Variants in DSCAM observed in about 807,000 individuals in gnomAD.
DSCAM encodes the protein DS cell adhesion molecule.
DSCAM carries 47 observed loss-of-function variants against 217.7 expected under a neutral mutation model. The observed-to-expected ratio is 0.22, with a 90% CI of 0.17 to 0.28. DSCAM has a LOEUF of 0.28. Ranked by LOEUF, DSCAM falls within the 10% of genes least tolerant of loss-of-function variation. The probability of loss-of-function intolerance (pLI) is 1.00; values close to 1 mark genes in which losing one functional copy is unlikely to be tolerated. For missense variants in DSCAM, 2,080 were observed against 2,618.3 expected, an observed-to-expected ratio of 0.79 and a Z score of 4.49; for synonymous variants, 1,056 against 1,015.3, an observed-to-expected ratio of 1.04 and a Z score of -0.76.
rs544572773 is a variant in DSCAM at position 40,067,811 on chromosome 21, G to A, written c.4889-4912C>T. Among the ~76,000 whole-genome samples the A allele has an allele frequency of 4.1e-3, 574 of 141,586 alleles. 7 individuals are homozygous for A. Among genetic ancestry groups the A allele is most frequent in the African/African-American group, 0.014 (551 of 38,172 alleles). 92.9% of individuals were successfully genotyped at this position (141,586 alleles called of 152,430 possible). ...CTTCTTTTTATAATTCCTGGTCCAC[G>A]TTTTCTGATTCAAATAGCATTTCTC... On this transcript the variant is annotated intron_variant, in intron 27 of 32. Coordinates refer to ENST00000400454, the MANE Select transcript of DSCAM (RefSeq NM_001389.5).
At chr21:40,407,885 G>T (rs1278114954) in intron 3 of DSCAM, among the ~76,000 whole-genome samples, 1 of 152,154 alleles carries the variant, frequency 6.6e-6, no homozygotes, top group Non-Finnish European at 1.5e-5. Flanking sequence ...GATTTGTTAT[G>T]CATCTCTTAA....
intron 11 of DSCAM, among the ~76,000 whole-genome samples, chr21:40,266,303 C>A (rs1355217533): frequency 2.0e-5 from 3 of 152,014 alleles, no homozygotes; most frequent in Non-Finnish European, 4.4e-5. Flanking sequence ...CAATGAGATA[C>A]GACCTTCCCC....
chr21:40,768,583 G>A (rs1482338573), intron 1 of DSCAM, among the ~76,000 whole-genome samples: 1 of 152,198 alleles, frequency 6.6e-6, no homozygotes, highest in Non-Finnish European at 1.5e-5. Context: ...GCCAGCTTCA[G>A]TTTATTTTCA....
chr21:40,077,466 C>A (rs1203844574), intron 26 of DSCAM, among the ~76,000 whole-genome samples: 3 of 152,196 alleles, frequency 2.0e-5, no homozygotes, highest in African/African-American at 7.2e-5. Flanking sequence ...GTGGTCATTT[C>A]TGTGGGTCCT....
At chr21:40,835,326 A>G (rs2092047730) in intron 1 of DSCAM, among the ~76,000 whole-genome samples, 1 of 152,144 alleles carries the variant, frequency 6.6e-6, no homozygotes, top group African/African-American at 2.4e-5. Context: ...GGTTGTGAAA[A>G]CTCCAAATCA....
chr21:40,042,429 G>T lies in DSCAM; in HGVS notation c.5628C>A (p.Pro1876=). The change falls in exon 32 of 33, where the codon CCC becomes CCA. Residue 1876 remains proline (P), a synonymous_variant. Coordinates refer to ENST00000400454, the MANE Select transcript of DSCAM (RefSeq NM_001389.5). ...TTACTCTTCCTCCATCCTGAGGTTT[G>T]GGGGGAGATGCAGTGAACCTGCAGA... ...SGICRFTASP[P]KPQDGGRVMN... is the part of the protein sequence containing the mutation. 1 of 1,614,204 alleles carries T rather than the reference G, an allele frequency of 6.2e-7. No individual in the cohort carries two copies. The highest frequency in any genetic ancestry group is 1.1e-5 in the South Asian group (1 of 91,086).
chr21:40,529,916 G>A (rs953564477), intron 3 of DSCAM, among the ~76,000 whole-genome samples: 24 of 152,256 alleles, frequency 1.6e-4, no homozygotes, highest in African/African-American at 5.5e-4. Context: ...TATGGGAACA[G>A]GCTTGTCGTT....
At chr21:40,284,083 T>A (rs2073796888) in intron 10 of DSCAM, among the ~76,000 whole-genome samples, 2 of 152,154 alleles carry the variant, frequency 1.3e-5, no homozygotes. Flanking sequence ...CTGAGAATAG[T>A]TGGGGGATTG....
chr21:40,308,278 CT>C (rs2074101835), intron 9 of DSCAM, among the ~76,000 whole-genome samples: 1 of 152,084 alleles, frequency 6.6e-6, no homozygotes, highest in Non-Finnish European at 1.5e-5. Flanking sequence ...GAAGTTTTAT[CT>C]TGCCAAGAAT....
At chr21:40,238,152 A>T (rs2073103387) in intron 11 of DSCAM, among the ~76,000 whole-genome samples, 2 of 152,042 alleles carry the variant, frequency 1.3e-5, no homozygotes, top group Non-Finnish European at 2.9e-5. Context: ...AAACCATAAT[A>T]CTCCAAAGAA....
At chr21:40,439,870 A>G (rs559062316) in intron 3 of DSCAM, among the ~76,000 whole-genome samples, 2 of 152,226 alleles carry the variant, frequency 1.3e-5, no homozygotes, top group East Asian at 3.9e-4. Context: ...ACCTGCCCCC[A>G]TAATTAAATT....
intron 8 of DSCAM, among the ~76,000 whole-genome samples, chr21:40,333,712 G>A (rs2074400294): frequency 6.6e-6 from 1 of 152,196 alleles, no homozygotes; most frequent in African/African-American, 2.4e-5. Flanking sequence ...CTGAGTAAAG[G>A]CTAAGATTGC....
At chr21:40,272,704 C>T (rs59697962) in intron 11 of DSCAM, among the ~76,000 whole-genome samples, 2,183 of 152,208 alleles carry the variant, frequency 0.014, 51 homozygotes, top group African/African-American at 0.049. Flanking sequence ...TCCAGACTTG[C>T]TGCAGGAGCA....
chr21:40,751,346 C>T (rs927964122), intron 1 of DSCAM, among the ~76,000 whole-genome samples: 1 of 152,198 alleles, frequency 6.6e-6, no homozygotes, highest in African/African-American at 2.4e-5. Context: ...ATTGCTCTCC[C>T]ACACCCACTA....
intron 1 of DSCAM, among the ~76,000 whole-genome samples, chr21:40,734,322 C>T (rs2091041886): frequency 6.6e-6 from 1 of 152,194 alleles, no homozygotes; most frequent in African/African-American, 2.4e-5. Flanking sequence ...GGGCACGCTG[C>T]TTCCTCTTCC....
At chr21:40,076,394 G>C (rs2089366415) in intron 26 of DSCAM, among the ~76,000 whole-genome samples, 1 of 152,182 alleles carries the variant, frequency 6.6e-6, no homozygotes, top group African/African-American at 2.4e-5. Flanking sequence ...TGAAACCTGA[G>C]TGGTATGAAT....
At chr21:40,528,918 T>G (rs1363152329) in intron 3 of DSCAM, among the ~76,000 whole-genome samples, 1 of 145,112 alleles carries the variant, frequency 6.9e-6, no homozygotes, top group East Asian at 2.0e-4. Context: ...TTTTTTTTTT[T>G]TTTGAGATGG....
At position 40,792,287 on chromosome 21, in the gene DSCAM, C is replaced by T. The variant is rs1379875220; in HGVS notation, c.43+54332G>A. The stretch of plus-strand genomic sequence containing the variant: ...CTGAGTACGTGGGACTATAGGCATG[C>T]GCCACCACGCCTGGCTAATTTTTTG... On this transcript the variant is annotated intron_variant, in intron 1 of 32. Coordinates refer to ENST00000400454, the MANE Select transcript of DSCAM (RefSeq NM_001389.5). Among the ~76,000 whole-genome samples, 3 of 151,864 alleles carry T rather than the reference C, an allele frequency of 2.0e-5. No homozygotes were observed. The South Asian group carries it at 6.2e-4, about 32-fold the overall frequency.
At chr21:40,533,912 T>C (rs1452791780) in intron 3 of DSCAM, among the ~76,000 whole-genome samples, 4 of 152,232 alleles carry the variant, frequency 2.6e-5, no homozygotes, top group Non-Finnish European at 5.9e-5. Context: ...TGAAAGGAAA[T>C]CCATTTGATT....
Sources: gnomAD v4.1 joint callset for allele counts (sites outside exome capture counted in the v4.1 genomes callset) on GRCh38, gnomAD v4.1.1 for gene constraint, MANE v1.5 for transcripts, NCBI Gene and HGNC (gene_info 2026-07-23, HGNC 2026-07-21) for gene names.